Variants in PPME1 observed in about 807,000 individuals in gnomAD.
PPME1 encodes testicular secretory protein Li 39.
In PPME1, 17 loss-of-function variants were observed where a neutral mutation model predicts 56.9. That is an observed-to-expected ratio of 0.30 (90% CI 0.20 to 0.45). The LOEUF is 0.45. Among genes scored for constraint, PPME1 ranks in the 20% least tolerant of loss-of-function variants. The probability of loss-of-function intolerance (pLI) is 1.00; values close to 1 mark genes in which losing one functional copy is unlikely to be tolerated. For missense variants in PPME1, 357 were observed against 483.2 expected, an observed-to-expected ratio of 0.74 and a Z score of 2.45; for synonymous variants, 122 against 156.2, an observed-to-expected ratio of 0.78 and a Z score of 1.63.
intron 3 of PPME1, chr11:74,205,502 A>G (rs1858304245): frequency 6.6e-6 from 1 of 152,272 alleles, no homozygotes; most frequent in East Asian, 1.9e-4. Flanking sequence ...GCAAGTGGGA[A>G]TGCAGCACTA....
At chr11:74,185,103 G>A (rs888471625) in intron 1 of PPME1, among the ~76,000 whole-genome samples, 12 of 146,620 alleles carry the variant, frequency 8.2e-5, no homozygotes, top group Non-Finnish European at 1.0e-4. Flanking sequence ...GGCTTCAAGC[G>A]ATTCTCCTGC....
intron 9 of PPME1, chr11:74,243,349 T>C (rs986124008): frequency 1.3e-5 from 2 of 151,902 alleles, no homozygotes; most frequent in Non-Finnish European, 2.9e-5. Context: ...CTGTTATATA[T>C]ATATATATTA....
chr11:74,215,093 T>C (rs1303780012), intron 3 of PPME1, among the ~76,000 whole-genome samples: 1 of 152,198 alleles, frequency 6.6e-6, no homozygotes, highest in East Asian at 1.9e-4. Flanking sequence ...ACACCTGTAA[T>C]CCCGCACTTT....
intron 10 of PPME1, 113 bp from the exon 11 acceptor site, chr11:74,246,966 G>A: frequency 1.1e-6 from 1 of 892,624 alleles, no homozygotes; most frequent in South Asian, 1.5e-5. Flanking sequence ...CTGGGAGTTA[G>A]GATTGGTATA....
intron 1 of PPME1, among the ~76,000 whole-genome samples, chr11:74,199,296 T>C (rs1245058605): frequency 2.0e-5 from 3 of 152,224 alleles, no homozygotes; most frequent in Non-Finnish European, 4.4e-5. Context: ...CTTAGGGTAT[T>C]TAACTCTTTG....
intron 9 of PPME1, among the ~76,000 whole-genome samples, chr11:74,243,842 T>A (rs1187624448): frequency 6.6e-6 from 1 of 151,206 alleles, no homozygotes; most frequent in African/African-American, 2.4e-5. Flanking sequence ...ACCCATAAAA[T>A]ATGCCATCTT....
intron 1 of PPME1, among the ~76,000 whole-genome samples, chr11:74,177,277 A>G (rs1453859192): frequency 6.6e-6 from 1 of 152,062 alleles, no homozygotes; most frequent in Admixed American, 6.5e-5. Flanking sequence ...CCTGGACAAC[A>G]TGGTGAAACC....
At position 74,246,092 on chromosome 11, in the gene PPME1, C is replaced by A. The variant is rs1186185230; in HGVS notation, c.851C>A (p.Pro284Gln). ...TTCCTCCAGACCAAGAAAGACCATCCATACACCTGGAGAATTGAACTGGCA... is the reference window on the plus strand; with the variant it reads ...TTCCTCCAGACCAAGAAAGACCATCAATACACCTGGAGAATTGAACTGGCA... ...EDDMETKKDH[P>Q]YTWRIELAKT... The change falls in exon 10 of 14, where the codon CCA becomes CAA. Residue 284 changes from proline (P) to glutamine (Q), a missense_variant. This residue lies in a region of PPME1 where 182 missense variants were observed against 293.8 expected (regional missense o/e 0.62). Coordinates refer to ENST00000328257, the MANE Select transcript of PPME1 (RefSeq NM_016147.3). The A allele has an allele frequency of 3.8e-6, 6 of 1,578,616 alleles. No individual in the cohort carries two copies. In the South Asian group the frequency reaches 7.0e-5, roughly 18 times the overall value.
chr11:74,208,169 G>T (rs1858376784), intron 3 of PPME1, among the ~76,000 whole-genome samples: 1 of 151,960 alleles, frequency 6.6e-6, no homozygotes, highest in Admixed American at 6.6e-5. Flanking sequence ...AAAATTAGCT[G>T]GGCATGGTGG....
At chr11:74,204,907 ATTAC>A (rs893009129) in intron 3 of PPME1, 4 of 153,792 alleles carry the variant, frequency 2.6e-5, no homozygotes, top group African/African-American at 9.7e-5. Context: ...CTTGCAGAGA[ATTAC>A]TTACATTCTT....
At chr11:74,247,913 C>T (rs773974058) in intron 11 of PPME1, 3 of 152,518 alleles carry the variant, frequency 2.0e-5, no homozygotes, top group Admixed American at 6.6e-5. Flanking sequence ...CTCTGAAGTT[C>T]GGAAAACTGA....
intron 8 of PPME1, among the ~76,000 whole-genome samples, chr11:74,236,335 A>T (rs538111808): frequency 5.9e-5 from 9 of 152,316 alleles, no homozygotes; most frequent in African/African-American, 2.2e-4. Flanking sequence ...GCTGTGAGGG[A>T]ATTATAATAA....
At chr11:74,188,157 C>T (rs1458384791) in intron 1 of PPME1, among the ~76,000 whole-genome samples, 1 of 150,832 alleles carries the variant, frequency 6.6e-6, no homozygotes, top group Non-Finnish European at 1.5e-5. Context: ...TATCTAGAAT[C>T]GTGAGTTCAT....
At chr11:74,176,388 A>G (rs1056636733) in intron 1 of PPME1, among the ~76,000 whole-genome samples, 1 of 152,144 alleles carries the variant, frequency 6.6e-6, no homozygotes, top group South Asian at 2.1e-4. Context: ...GATTTGCTCA[A>G]GGTCACAAAT....
intron 11 of PPME1, 116 bp downstream of exon 11, chr11:74,247,239 C>T: frequency 3.7e-6 from 3 of 809,252 alleles, no homozygotes; most frequent in Non-Finnish European, 5.9e-6. Context: ...AGAGTCCGAC[C>T]CAAGTTGGAC....
At chr11:74,229,385 T>C (rs1420832228) in intron 5 of PPME1, among the ~76,000 whole-genome samples, 1 of 152,118 alleles carries the variant, frequency 6.6e-6, no homozygotes, top group East Asian at 1.9e-4. Context: ...GAAACACACC[T>C]TACTGTTCTT....
In PPME1 at chr11:74,239,250, C is replaced by T. The variant is rs764593023; in HGVS notation, c.828C>T (p.Asp276=). Residue 276 remains aspartate (D), a synonymous_variant, in exon 9 of 14, where the codon GAC becomes GAT. Coordinates refer to ENST00000328257, the MANE Select transcript of PPME1 (RefSeq NM_016147.3). ...ESISKRKKED[D]METKKDHPYT... is the part of the protein sequence containing the mutation. ...TAAGCAAGAGGAAAAAGGAAGATGACATGGAGGTGGGTAAAAACATTCATT... is the reference window on the plus strand; with the variant it reads ...TAAGCAAGAGGAAAAAGGAAGATGATATGGAGGTGGGTAAAAACATTCATT... The T allele has an allele frequency of 2.5e-6, 4 of 1,612,152 alleles. No individual in the cohort carries two copies. The Admixed American group carries it at 6.7e-5, about 27-fold the overall frequency.
At chr11:74,251,884 G>A (rs1302474861) in intron 13 of PPME1, 169 bp downstream of exon 13, 1 of 918,320 alleles carries the variant, frequency 1.1e-6, no homozygotes, top group Non-Finnish European at 1.8e-6. Context: ...ACAAAGCCAT[G>A]GTTGGTTGTT....
At chr11:74,232,077 C>A (rs1241893844) in intron 7 of PPME1, among the ~76,000 whole-genome samples, 3 of 152,214 alleles carry the variant, frequency 2.0e-5, no homozygotes, top group Non-Finnish European at 4.4e-5. Flanking sequence ...GTCTCTTCTT[C>A]AGAACATTTT....
Sources: allele counts gnomAD v4.1 joint callset (sites outside exome capture counted in the v4.1 genomes callset), GRCh38; gene constraint gnomAD v4.1.1; regional missense constraint gnomAD v4.1.1; transcripts MANE v1.5; gene names NCBI Gene and HGNC (gene_info 2026-07-23, HGNC 2026-07-21).